The following PACSIN2 variants were observed in gnomAD, a reference collection of about 807,000 sequenced individuals.
PACSIN2 encodes the protein protein kinase C and casein kinase substrate in neurons protein 2.
Under a neutral mutation model 63.8 loss-of-function variants are expected in PACSIN2, and 25 were observed. The observed-to-expected ratio is 0.39, with a 90% CI of 0.29 to 0.55. PACSIN2 has a LOEUF of 0.55. Ranked by LOEUF, PACSIN2 falls within the 20% of genes least tolerant of loss-of-function variation. The pLI, the probability that PACSIN2 is intolerant of heterozygous loss-of-function variation, is 0.62. For missense variants in PACSIN2, 518 were observed against 646.9 expected (o/e 0.80, Z 2.16); for synonymous variants, 255 against 256.2 (o/e 1.00, Z 0.05).
Position 42,893,314 on chromosome 22 carries a change from C to A in PACSIN2, c.217+143G>T, listed in dbSNP as rs1458655046. ...GCTAATGCTCCCCATAAAAATCACACCCCGCTCTGGAACTGGGAAATGCAC... is the reference window on the plus strand; with the variant it reads ...GCTAATGCTCCCCATAAAAATCACAACCCGCTCTGGAACTGGGAAATGCAC... On this transcript the variant is annotated intron_variant, in intron 3 of 10. Coordinates refer to ENST00000263246, the MANE Select transcript of PACSIN2 (RefSeq NM_001184970.3). 24 of 818,286 alleles carry A rather than the reference C, an allele frequency of 2.9e-5. No individual in the cohort carries two copies. In the Admixed American group the frequency reaches 5.3e-4, roughly 18 times the overall value. 50.7% of individuals were successfully genotyped at this position (818,286 alleles called of 1,614,324 possible).
intron 1 of PACSIN2, among the ~76,000 whole-genome samples, chr22:42,951,930 CACCTGCCTCCCCTCTGCCGGGAAT>C (rs1450852111): frequency 1.3e-5 from 2 of 152,206 alleles, no homozygotes; most frequent in African/African-American, 4.8e-5. Context: ...CTTACCTTTG[CACCTGCCTCCCCTCTGCCGGGAAT>C]ACCTGCCTCC....
chr22:42,941,024 A>G (rs1196544981), intron 1 of PACSIN2, among the ~76,000 whole-genome samples: 2 of 152,056 alleles, frequency 1.3e-5, no homozygotes, highest in Non-Finnish European at 2.9e-5. Context: ...AAGAAACCCC[A>G]CACCCTTCCC....
At chr22:42,945,294 G>C (rs1185312906) in intron 1 of PACSIN2, among the ~76,000 whole-genome samples, 1 of 152,060 alleles carries the variant, frequency 6.6e-6, no homozygotes, top group Admixed American at 6.5e-5. Context: ...GCTCATTTCT[G>C]TAGTGGCTGC....
chr22:42,914,447 C>T (rs1931676911), intron 1 of PACSIN2, among the ~76,000 whole-genome samples: 1 of 152,186 alleles, frequency 6.6e-6, no homozygotes, highest in Admixed American at 6.5e-5. Context: ...GTTGGCCAGG[C>T]TGGTTTCAAA....
At chr22:42,940,275 T>C (rs1261126920) in intron 1 of PACSIN2, among the ~76,000 whole-genome samples, 1 of 152,342 alleles carries the variant, frequency 6.6e-6, no homozygotes, top group Non-Finnish European at 1.5e-5. Context: ...GATTTTTCTA[T>C]TTTATACAAT....
chr22:43,011,051 A>G (rs949940648), intron 1 of PACSIN2, among the ~76,000 whole-genome samples: 1 of 152,216 alleles, frequency 6.6e-6, no homozygotes, highest in African/African-American at 2.4e-5. Flanking sequence ...GAGCATACTC[A>G]TCTGAACACT....
intron 1 of PACSIN2, among the ~76,000 whole-genome samples, chr22:42,967,882 C>T (rs902697957): frequency 2.0e-5 from 3 of 152,078 alleles, no homozygotes; most frequent in Non-Finnish European, 2.9e-5. Context: ...AGCGAGACTC[C>T]ATCTCAAAAA....
At chr22:43,009,208 C>T (rs919282366) in intron 1 of PACSIN2, among the ~76,000 whole-genome samples, 1 of 152,202 alleles carries the variant, frequency 6.6e-6, no homozygotes, top group Non-Finnish European at 1.5e-5. Flanking sequence ...GGTCCCAGGA[C>T]GGCCTCTGGC....
chr22:42,997,485 G>C lies in PACSIN2; in HGVS notation c.-78+17536C>G, dbSNP rs573067876. Among the ~76,000 whole-genome samples the C allele has an allele frequency of 7.2e-5, 11 of 151,978 alleles. No homozygotes were observed. The South Asian group carries it at 2.1e-3, about 29-fold the overall frequency. On this transcript the variant is annotated intron_variant, in intron 1 of 10. Transcript: ENST00000263246. ...AGGCAGGAGAATCGCTTGAACCCGG[G>C]AGGCAGAGGTTGCAGTGAGCTGAGA... is the stretch of plus-strand genomic sequence containing the variant.
chr22:42,876,029 A>C, intron 10 of PACSIN2, 108 bp downstream of exon 10: 1 of 922,480 alleles, frequency 1.1e-6, no homozygotes, highest in Non-Finnish European at 1.6e-6. Context: ...GCAGTGACTC[A>C]CAAGTGAAAC....
At chr22:42,888,029 C>A (rs551242047) in intron 5 of PACSIN2, among the ~76,000 whole-genome samples, 17 of 151,716 alleles carry the variant, frequency 1.1e-4, no homozygotes, top group East Asian at 3.9e-4. Context: ...GCGCTCCCAG[C>A]CTGCAGTCCC....
chr22:42,914,835 G>A (rs1177527980), intron 1 of PACSIN2, among the ~76,000 whole-genome samples: 1 of 152,230 alleles, frequency 6.6e-6, no homozygotes, highest in Non-Finnish European at 1.5e-5. Flanking sequence ...TCTTGACACA[G>A]TTCTGCACAA....
At chr22:42,954,563 T>A (rs1367618507) in intron 1 of PACSIN2, among the ~76,000 whole-genome samples, 1 of 152,168 alleles carries the variant, frequency 6.6e-6, no homozygotes, top group African/African-American at 2.4e-5. Context: ...CTGGCTAATT[T>A]TTTATTTTTT....
chr22:42,952,834 T>G (rs1335014214), intron 1 of PACSIN2, among the ~76,000 whole-genome samples: 1 of 152,042 alleles, frequency 6.6e-6, no homozygotes, highest in Non-Finnish European at 1.5e-5. Context: ...AGCTAATTTT[T>G]GTGTGTTTTT....
chr22:42,912,463 A>G (rs1249350770), intron 1 of PACSIN2, among the ~76,000 whole-genome samples: 1 of 152,122 alleles, frequency 6.6e-6, no homozygotes, highest in African/African-American at 2.4e-5. Context: ...AGGACCCGGG[A>G]TAAAACGTGA....
chr22:42,889,627 G>T (rs934123940), intron 4 of PACSIN2, among the ~76,000 whole-genome samples: 2 of 152,122 alleles, frequency 1.3e-5, no homozygotes, highest in Non-Finnish European at 2.9e-5. Context: ...ATTCTGAGGC[G>T]GAGGAAGGCA....
intron 1 of PACSIN2, among the ~76,000 whole-genome samples, chr22:42,938,653 T>C (rs949092001): frequency 2.0e-5 from 3 of 152,198 alleles, no homozygotes; most frequent in African/African-American, 7.2e-5. Context: ...CATCTCCCTC[T>C]CGACAGCCTG....
chr22:42,879,054 G>T lies in PACSIN2; in HGVS notation c.1022C>A (p.Pro341His). 6.2e-7 allele frequency: 1 copy of T among 1,613,622 alleles called. No homozygotes were observed. Among genetic ancestry groups the T allele is most frequent in the Non-Finnish European group, 8.5e-7 (1 of 1,179,764 alleles). ...QTGDQSLPSK[P>H]SSTLNVPSNP... ...GGAGGTGGCGCCCACTCACCTGCTGGGCTTACTCGGCAGAGACTGGTCGCC... is the reference window on the plus strand; with the variant it reads ...GGAGGTGGCGCCCACTCACCTGCTGTGCTTACTCGGCAGAGACTGGTCGCC... Residue 341 changes from proline (P) to histidine (H), a missense_variant, in exon 8 of 11, where the codon CCC becomes CAC. Pro to His is a moderately conservative substitution (Grantham distance 77). This residue lies in a region of PACSIN2 where 507 missense variants were observed against 612.3 expected (regional missense o/e 0.83). Transcript: ENST00000263246.
chr22:43,007,745 T>C (rs552748970), intron 1 of PACSIN2, among the ~76,000 whole-genome samples: 1 of 152,192 alleles, frequency 6.6e-6, no homozygotes, highest in South Asian at 2.1e-4. Context: ...CCAGGCCTGC[T>C]GCCTATACTG....
Sources: allele counts gnomAD v4.1 joint callset (sites outside exome capture counted in the v4.1 genomes callset), GRCh38; gene constraint gnomAD v4.1.1; regional missense constraint gnomAD v4.1.1; transcripts MANE v1.5; gene names NCBI Gene and HGNC (gene_info 2026-07-23, HGNC 2026-07-21).